Variants in TMEM263 observed in about 807,000 individuals in gnomAD.
The protein encoded by TMEM263 is UPF0444 transmembrane protein C12orf23.
In TMEM263, 5 loss-of-function variants were observed where a neutral mutation model predicts 8.6. The ratio of observed to expected loss-of-function variants is 0.58; its 90% confidence interval spans 0.31 to 1.23. The LOEUF (loss-of-function observed/expected upper bound fraction) is 1.23. TMEM263 is among the 50% of genes most tolerant of loss of function. The pLI is 0.07. For synonymous variants in TMEM263, 50 were observed against 47.9 expected, an observed-to-expected ratio of 1.04 and a Z score of -0.18; for missense variants, 104 against 138.8, an observed-to-expected ratio of 0.75 and a Z score of 1.26.
chr12:106,972,104 A>G lies in TMEM263; in HGVS notation c.*713A>G, dbSNP rs1196873904. ...AGTTTTCCCTTTTTAGAATCTCAGG[A>G]GTAGTGGGGTAAAGACATTTCCTGC... On this transcript the variant is annotated 3_prime_UTR_variant, in exon 4 of 4. Coordinates refer to ENST00000280756, the MANE Select transcript of TMEM263 (RefSeq NM_152261.4). 6.6e-6 allele frequency: 1 copy of G among 152,578 alleles called. No individual in the cohort carries two copies. The highest frequency in any genetic ancestry group is 1.5e-5 in the Non-Finnish European group (1 of 68,028). 9.5% of individuals were successfully genotyped at this position (152,578 alleles called of 1,614,324 possible).
At chr12:106,957,717 T>C (rs906495174) in intron 2 of TMEM263, among the ~76,000 whole-genome samples, 1 of 152,216 alleles carries the variant, frequency 6.6e-6, no homozygotes, top group Non-Finnish European at 1.5e-5. Context: ...CTGCTTAATG[T>C]TTCATTTAAG....
chr12:106,965,418 C>G (rs1017338782), intron 2 of TMEM263, among the ~76,000 whole-genome samples: 3 of 152,050 alleles, frequency 2.0e-5, no homozygotes, highest in Admixed American at 6.6e-5. Flanking sequence ...ACCAGCCTGG[C>G]CAACATGGTG....
At chr12:106,963,136 G>A (rs1473659121) in intron 2 of TMEM263, among the ~76,000 whole-genome samples, 1 of 152,232 alleles carries the variant, frequency 6.6e-6, no homozygotes, top group Non-Finnish European at 1.5e-5. Context: ...AAGGAACTCT[G>A]TGTTACTAGA....
rs1951921184 is a variant in TMEM263 at position 106,971,462 on chromosome 12, CA to C, written c.*73del. 1 of 1,429,918 alleles carries C rather than the reference CA, an allele frequency of 7.0e-7. No individual in the cohort carries two copies. The highest frequency in any genetic ancestry group is 2.3e-5 in the East Asian group (1 of 43,174). The allele number at this position is 1,429,918 out of a possible 1,614,324, so 88.6% of individuals were successfully genotyped here. ...CATTGAATTGCTAAATTATGGACTA[CA>C]ACCAAGTCAACTGTTTTGGACGTTT... is the stretch of plus-strand genomic sequence containing the variant. On this transcript the variant is annotated 3_prime_UTR_variant, in exon 4 of 4. Transcript: ENST00000280756.
chr12:106,970,624 C>G (rs1289454898), intron 3 of TMEM263, among the ~76,000 whole-genome samples: 1 of 152,096 alleles, frequency 6.6e-6, no homozygotes, highest in Non-Finnish European at 1.5e-5. Context: ...CCTTGTAGAC[C>G]CCCTGAAATG....
At position 106,973,606 on chromosome 12, in the gene TMEM263, A is replaced by C. The variant is rs1951957936; in HGVS notation, c.*2215A>C. 1 of 152,404 alleles carries C rather than the reference A, an allele frequency of 6.6e-6. No homozygotes were observed. 9.4% of individuals were successfully genotyped at this position (152,404 alleles called of 1,614,324 possible). A position where few individuals can be genotyped will look rare whatever the true frequency, so the allele number is the denominator to read the frequency against. On this transcript the variant is annotated 3_prime_UTR_variant, in exon 4 of 4. Transcript: ENST00000280756. ...ATAGCAGAAAACTGTACAAATGTAC[A>C]GTTAGTTATAGAGGTTCTTGTTGAA...
intron 2 of TMEM263, among the ~76,000 whole-genome samples, chr12:106,962,150 A>C (rs1951784979): frequency 6.6e-6 from 1 of 152,204 alleles, no homozygotes; most frequent in Non-Finnish European, 1.5e-5. Context: ...TTATACTGTG[A>C]ATATATAAAT....
rs1951961716 is a variant in TMEM263, at chr12:106,973,794, T to C, written c.*2403T>C. 1 of 152,660 alleles carries C rather than the reference T, an allele frequency of 6.6e-6. No homozygotes were observed. Among genetic ancestry groups the C allele is most frequent in the African/African-American group, 2.4e-5 (1 of 41,452 alleles). The allele number at this position is 152,660 out of a possible 1,614,324, so 9.5% of individuals were successfully genotyped here. A position where few individuals can be genotyped will look rare whatever the true frequency, so the allele number is the denominator to read the frequency against. On this transcript the variant is annotated 3_prime_UTR_variant, in exon 4 of 4. Coordinates refer to ENST00000280756, the MANE Select transcript of TMEM263 (RefSeq NM_152261.4). ...AGGCATCTGTTATTCAGCTTATCCT[T>C]TGAGTGGGTATTTGGCACAATGAGG...
In TMEM263 at chr12:106,971,549, C is replaced by A; in HGVS notation, c.*158C>A. 2.8e-6 allele frequency: 2 copies of A among 711,318 alleles called. No individual in the cohort carries two copies. Among genetic ancestry groups the A allele is most frequent in the Non-Finnish European group, 4.5e-6 (2 of 446,824 alleles). The allele number at this position is 711,318 out of a possible 1,614,324, so 44.1% of individuals were successfully genotyped here. On this transcript the variant is annotated 3_prime_UTR_variant, in exon 4 of 4. Transcript: ENST00000280756. The stretch of plus-strand genomic sequence containing the variant: ...TGGCTTTCATCTAAAAAGAAGAGAC[C>A]AATACGAGCACAGTATATGAAGGTT...
At chr12:106,967,202 T>C in intron 3 of TMEM263, 22 bp downstream of exon 3, 1 of 1,371,904 alleles carries the variant, frequency 7.3e-7, no homozygotes, top group Non-Finnish European at 1.0e-6. Context: ...TCTGTAACAC[T>C]AAGAATGGAA....
chr12:106,956,656 G>T (rs979760312), intron 1 of TMEM263: 1 of 152,418 alleles, frequency 6.6e-6, no homozygotes, highest in Non-Finnish European at 1.5e-5. Flanking sequence ...CTGCCTCCCA[G>T]TCTAAATAAA....
chr12:106,971,329 G>C lies in TMEM263; in HGVS notation c.289G>C (p.Val97Leu), dbSNP rs778496872. Reference sequence around the variant, plus strand: ...TGCTGTGGCTGGAGGTGTTACAGCTGTTGGGTCTGCTGTTGTAAACAAAGT... The same window carrying C: ...TGCTGTGGCTGGAGGTGTTACAGCTCTTGGGTCTGCTGTTGTAAACAAAGT... ...VSAVAGGVTA[V>L]GSAVVNKVPL... The change falls in exon 4 of 4, where the codon GTT becomes CTT. Residue 97 changes from valine to leucine, a missense_variant. Transcript: ENST00000280756. 1 of 1,614,188 alleles carries C rather than the reference G, an allele frequency of 6.2e-7. No homozygotes were observed. Among genetic ancestry groups the C allele is most frequent in the Non-Finnish European group, 8.5e-7 (1 of 1,180,032 alleles).
At position 106,955,918 on chromosome 12, in the gene TMEM263, G is replaced by C. The variant is rs1217438530; in HGVS notation, c.-222G>C. ...CCACCACCGCCGCCACAGTCTTCCA[G>C]CTCCACATCCTGAGAGGACGCCTCT... On this transcript the variant is annotated 5_prime_UTR_variant, in exon 1 of 4. Transcript: ENST00000280756. 1 of 985,626 alleles carries C rather than the reference G, an allele frequency of 1.0e-6. No individual in the cohort carries two copies. Among genetic ancestry groups the C allele is most frequent in the Admixed American group, 6.1e-5 (1 of 16,266 alleles). 61.1% of individuals were successfully genotyped at this position (985,626 alleles called of 1,614,324 possible). A position where few individuals can be genotyped will look rare whatever the true frequency, so the allele number is the denominator to read the frequency against.
At chr12:106,959,850 A>AT (rs1951746494) in intron 2 of TMEM263, among the ~76,000 whole-genome samples, 1 of 152,208 alleles carries the variant, frequency 6.6e-6, no homozygotes, top group Non-Finnish European at 1.5e-5. Flanking sequence ...AAATACCTTT[A>AT]TAAGGTAACT....
intron 3 of TMEM263, among the ~76,000 whole-genome samples, chr12:106,967,700 G>A (rs77027566): frequency 0.034 from 5,173 of 152,204 alleles, 87 homozygotes; most frequent in Middle Eastern, 0.048. Context: ...ACCATATAAG[G>A]CATAATATTT....
At chr12:106,962,840 C>G (rs1951797647) in intron 2 of TMEM263, among the ~76,000 whole-genome samples, 1 of 152,206 alleles carries the variant, frequency 6.6e-6, no homozygotes, top group South Asian at 2.1e-4. Flanking sequence ...CTCAAAGTTA[C>G]ATTCTACTTC....
chr12:106,964,419 A>G (rs1951817788), intron 2 of TMEM263, among the ~76,000 whole-genome samples: 1 of 152,242 alleles, frequency 6.6e-6, no homozygotes, highest in South Asian at 2.1e-4. Context: ...TGATCTTACC[A>G]TGATGATAAA....
At chr12:106,969,944 T>C (rs1389708152) in intron 3 of TMEM263, among the ~76,000 whole-genome samples, 1 of 151,898 alleles carries the variant, frequency 6.6e-6, no homozygotes, top group African/African-American at 2.4e-5. Context: ...TATTGCCTTT[T>C]ATGGGGGATA....
In TMEM263 at chr12:106,961,224, A is replaced by ATT. The variant is rs554707654; in HGVS notation, c.-7+4110_-7+4111dup. ...AGGCGTGCACCACCGTGCCCAGTCAATTTTTTTTTTTTTTTTTTTTTTTTT... is the reference window on the plus strand; with the variant it reads ...AGGCGTGCACCACCGTGCCCAGTCAATTTTTTTTTTTTTTTTTTTTTTTTTTT... On this transcript the variant is annotated intron_variant, in intron 2 of 3. Transcript: ENST00000280756. Among the ~76,000 whole-genome samples, 88 of 75,124 alleles carry ATT rather than the reference A, an allele frequency of 1.2e-3. 6 individuals carry two copies. Among genetic ancestry groups the ATT allele is most frequent in the African/African-American group, 4.2e-3 (69 of 16,512 alleles). 49.3% of individuals were successfully genotyped at this position (75,124 alleles called of 152,430 possible).
Sources: allele counts gnomAD v4.1 joint callset (sites outside exome capture counted in the v4.1 genomes callset), GRCh38; gene constraint gnomAD v4.1.1; transcripts MANE v1.5; gene names NCBI Gene and HGNC (gene_info 2026-07-23, HGNC 2026-07-21).